KATNAL2: variants seen among roughly 807,000 people sequenced by gnomAD.
The protein encoded by KATNAL2 is katanin catalytic subunit A1 like 2.
A neutral mutation model predicts 76.3 loss-of-function variants in KATNAL2; 52 were observed. The ratio of observed to expected loss-of-function variants is 0.68; its 90% CI spans 0.55 to 0.86. The LOEUF is 0.86. Ranked by LOEUF, KATNAL2 falls within the 40% of genes least tolerant of loss-of-function variation. The pLI is 0.00. For missense variants in KATNAL2, 660 were observed against 668.9 expected, an observed-to-expected ratio of 0.99 and a Z score of 0.15; for synonymous variants, 243 against 244.2, an observed-to-expected ratio of 1.00 and a Z score of 0.05.
At chr18:46,939,940 T>A (rs915380087) in intron 1 of KATNAL2, among the ~76,000 whole-genome samples, 1 of 152,248 alleles carries the variant, frequency 6.6e-6, no homozygotes, top group African/African-American at 2.4e-5. Flanking sequence ...GTCTCTTTGT[T>A]TTGTTGATTA....
intron 1 of KATNAL2, among the ~76,000 whole-genome samples, chr18:46,931,294 C>T (rs976763300): frequency 8.7e-5 from 13 of 149,110 alleles, no homozygotes; most frequent in Non-Finnish European, 1.8e-4. Flanking sequence ...AGTGAGATTC[C>T]GTCTCAAAAT....
intron 8 of KATNAL2, among the ~76,000 whole-genome samples, chr18:47,061,796 A>T (rs1393083512): frequency 6.6e-6 from 1 of 152,168 alleles, no homozygotes; most frequent in African/African-American, 2.4e-5. Context: ...AAGTCTCATG[A>T]TGAAAGGAGA....
chr18:47,058,261 T>C lies in KATNAL2; in HGVS notation c.359T>C (p.Leu120Pro), dbSNP rs1293196936. ...RRMMNDSCQN[L>P]PKINQQRPRS... ...ATGATGAACGACAGTTGTCAAAATC[T>C]TCCCAAGATCAATCAGCAGAGGCCC... The change falls in exon 7 of 18, where the codon CTT (leucine) becomes CCT (proline). Residue 120 changes from leucine (L) to proline (P), a missense_variant. Physicochemically the swap from Leu to Pro is moderately conservative, Grantham distance 98. Coordinates refer to ENST00000683218, the MANE Select transcript of KATNAL2 (RefSeq NM_001387690.1). The C allele has an allele frequency of 6.2e-7, 1 of 1,613,738 alleles. No individual in the cohort carries two copies. The highest frequency in any genetic ancestry group is 1.3e-5 in the African/African-American group (1 of 74,938).
At chr18:47,035,841 CAG>C (rs1221425513) in intron 3 of KATNAL2, among the ~76,000 whole-genome samples, 1 of 152,154 alleles carries the variant, frequency 6.6e-6, no homozygotes, top group African/African-American at 2.4e-5. Context: ...GGGAGTAAAA[CAG>C]AAAATAACAC....
intron 3 of KATNAL2, among the ~76,000 whole-genome samples, chr18:47,044,340 A>G (rs2061076734): frequency 6.6e-6 from 1 of 152,212 alleles, no homozygotes; most frequent in African/African-American, 2.4e-5. Context: ...GGAGATGTGG[A>G]GTTACTCTTT....
At chr18:47,071,968 T>C (rs1194940926) in intron 13 of KATNAL2, among the ~76,000 whole-genome samples, 35 of 105,694 alleles carry the variant, frequency 3.3e-4, no homozygotes, top group African/African-American at 1.4e-3. Flanking sequence ...TTTTTTTTTT[T>C]TTTTTTTTTT....
At chr18:47,044,644 C>G (rs2061089366) in intron 3 of KATNAL2, among the ~76,000 whole-genome samples, 1 of 151,780 alleles carries the variant, frequency 6.6e-6, no homozygotes, top group African/African-American at 2.4e-5. Context: ...TTCTGTAATC[C>G]CAGCTACTCA....
At chr18:47,057,372 T>G (rs973805483) in intron 6 of KATNAL2, among the ~76,000 whole-genome samples, 1 of 152,192 alleles carries the variant, frequency 6.6e-6, no homozygotes, top group Non-Finnish European at 1.5e-5. Flanking sequence ...AATATGGATA[T>G]TCCAATACTG....
At chr18:46,918,697 C>T (rs1350837150) in intron 1 of KATNAL2, among the ~76,000 whole-genome samples, 1 of 152,178 alleles carries the variant, frequency 6.6e-6, no homozygotes, top group East Asian at 1.9e-4. Flanking sequence ...ACTGAGATTA[C>T]AGGCGTGAGC....
intron 1 of KATNAL2, among the ~76,000 whole-genome samples, chr18:46,926,177 A>G (rs2058723830): frequency 6.6e-6 from 1 of 152,010 alleles, no homozygotes; most frequent in Non-Finnish European, 1.5e-5. Flanking sequence ...TTGTGATGTT[A>G]GGGTGTCAAT....
chr18:46,954,467 A>T (rs1241175539), intron 3 of KATNAL2, among the ~76,000 whole-genome samples: 1 of 150,282 alleles, frequency 6.7e-6, no homozygotes, highest in Non-Finnish European at 1.5e-5. Context: ...AGTAGCTGGG[A>T]CTACAGGTGT....
intron 3 of KATNAL2, chr18:47,034,801 C>A: frequency 6.2e-7 from 1 of 1,612,354 alleles, no homozygotes; most frequent in Non-Finnish European, 8.5e-7. Flanking sequence ...GGGGCACTTT[C>A]TCTCAGCTCT....
chr18:46,921,434 C>T (rs1323192533), intron 1 of KATNAL2, among the ~76,000 whole-genome samples: 1 of 152,138 alleles, frequency 6.6e-6, no homozygotes, highest in African/African-American at 2.4e-5. Flanking sequence ...CATAAAGTGT[C>T]ATAAGATTTT....
At chr18:46,958,273 C>T (rs1569021175) in intron 3 of KATNAL2, among the ~76,000 whole-genome samples, 1 of 152,056 alleles carries the variant, frequency 6.6e-6, no homozygotes, top group Admixed American at 6.6e-5. Context: ...ATTGGCTCTT[C>T]TGGTTCTCCA....
intron 3 of KATNAL2, among the ~76,000 whole-genome samples, chr18:46,960,969 T>C (rs2059922328): frequency 6.6e-6 from 1 of 152,180 alleles, no homozygotes; most frequent in South Asian, 2.1e-4. Context: ...TTATTGGCCC[T>C]TTTAAGGGCT....
At chr18:46,959,771 C>T (rs2059880724) in intron 3 of KATNAL2, among the ~76,000 whole-genome samples, 1 of 152,132 alleles carries the variant, frequency 6.6e-6, no homozygotes, top group Non-Finnish European at 1.5e-5. Flanking sequence ...GATGGAGTTT[C>T]ACCATGTTGG....
chr18:46,921,430 G>T (rs1348599512), intron 1 of KATNAL2, among the ~76,000 whole-genome samples: 1 of 152,164 alleles, frequency 6.6e-6, no homozygotes, highest in Non-Finnish European at 1.5e-5. Flanking sequence ...CTGGCATAAA[G>T]TGTCATAAGA....
rs558174228 is a variant in KATNAL2 at position 47,034,561 on chromosome 18, C to A, written c.52-11896C>A. The stretch of plus-strand genomic sequence containing the variant: ...CCAATCTCCCTGGGCACACAAGGGG[C>A]GTTTTTCCTGGCGAGACGATTTGTG... On this transcript the variant is annotated intron_variant, in intron 3 of 17. Transcript: ENST00000683218. The A allele has an allele frequency of 2.5e-6, 4 of 1,614,142 alleles. No individual in the cohort carries two copies. In the East Asian group the frequency reaches 8.9e-5, roughly 36 times the overall value.
intron 2 of KATNAL2, 145 bp from the exon 3 acceptor site, chr18:46,946,709 G>A: frequency 2.8e-6 from 3 of 1,063,296 alleles, no homozygotes; most frequent in Non-Finnish European, 4.0e-6. Flanking sequence ...ACATTGATTG[G>A]CATGTTAAAG....
Sources: allele counts gnomAD v4.1 joint callset (sites outside exome capture counted in the v4.1 genomes callset), GRCh38; gene constraint gnomAD v4.1.1; transcripts MANE v1.5; gene names NCBI Gene and HGNC (gene_info 2026-07-23, HGNC 2026-07-21).